TBCE: variants seen among roughly 807,000 people sequenced by gnomAD.
TBCE encodes tubulin folding cofactor E.
In TBCE, 53 loss-of-function variants were observed where a neutral mutation model predicts 77.0. The ratio of observed to expected loss-of-function variants is 0.69; its 90% CI spans 0.55 to 0.87. The LOEUF (loss-of-function observed/expected upper bound fraction) is 0.87. Among genes scored for constraint, TBCE ranks in the 40% least tolerant of loss-of-function variants. The probability of loss-of-function intolerance (pLI) is 0.00; values close to 1 mark genes in which losing one functional copy is unlikely to be tolerated. For synonymous variants in TBCE, 235 were observed against 241.3 expected (o/e 0.97, Z 0.24); for missense variants, 624 against 622.4 (o/e 1.00, Z -0.03).
At position 235,426,708 on chromosome 1, in the gene TBCE, C is replaced by G. The variant is rs557008101; in HGVS notation, c.461-432C>G. On this transcript the variant is annotated intron_variant, in intron 5 of 16. Coordinates refer to ENST00000642610, the MANE Select transcript of TBCE (RefSeq NM_003193.5). ...TCACCCAGGCTGGAGTGCAGTGGCG[C>G]AGTCTCCACTCACTGCAACCTCCGC... Among the ~76,000 whole-genome samples, 4 of 152,318 alleles carry G rather than the reference C, an allele frequency of 2.6e-5. No individual in the cohort carries two copies. The South Asian group carries it at 8.3e-4, about 32-fold the overall frequency.
At chr1:235,388,726 G>GAAAGC (rs1678189321) in intron 2 of TBCE, among the ~76,000 whole-genome samples, 1 of 152,240 alleles carries the variant, frequency 6.6e-6, no homozygotes, top group Non-Finnish European at 1.5e-5. Flanking sequence ...GACTTAGCTA[G>GAAAGC]AGATTTACAC....
At chr1:235,401,125 C>T (rs1679076948) in intron 2 of TBCE, among the ~76,000 whole-genome samples, 1 of 151,850 alleles carries the variant, frequency 6.6e-6, no homozygotes, top group Non-Finnish European at 1.5e-5. Flanking sequence ...AATTTACCAT[C>T]TGAACCAGTT....
intron 8 of TBCE, among the ~76,000 whole-genome samples, chr1:235,434,702 A>G (rs1681316360): frequency 6.6e-6 from 1 of 151,722 alleles, no homozygotes; most frequent in Non-Finnish European, 1.5e-5. Flanking sequence ...ATGCCCGGCT[A>G]ATTTTCTTTA....
At chr1:235,392,441 GC>G (rs1678454023) in intron 2 of TBCE, among the ~76,000 whole-genome samples, 1 of 129,608 alleles carries the variant, frequency 7.7e-6, no homozygotes. Context: ...ACAGAGTCTC[GC>G]TCTTGTTGCC....
chr1:235,443,165 T>TAC lies in TBCE; in HGVS notation c.1399+274_1399+275dup, dbSNP rs759694992. Among the ~76,000 whole-genome samples the TAC allele has an allele frequency of 0.03, 4,403 of 148,450 alleles. 159 individuals carry two copies. Among genetic ancestry groups the TAC allele is most frequent in the African/African-American group, 0.086 (3,466 of 40,274 alleles). On this transcript the variant is annotated intron_variant, in intron 15 of 16. Transcript: ENST00000642610. ...AAAATTGGAAGCCCCTGCATATAAT[T>TAC]ACACACACACACACACACACATATA...
rs529342055 is a variant in TBCE, at chr1:235,450,685, T to C, written c.*1923T>C. On this transcript the variant is annotated 3_prime_UTR_variant, in exon 17 of 17. Coordinates refer to ENST00000642610, the MANE Select transcript of TBCE (RefSeq NM_003193.5). Reference sequence around the variant, plus strand: ...TGGCAGTATTAGTAACAGCTATTATTCTGATGGAATGCTTACAATATTGCA... The same window carrying C: ...TGGCAGTATTAGTAACAGCTATTATCCTGATGGAATGCTTACAATATTGCA... 5 of 229,772 alleles carry C rather than the reference T, an allele frequency of 2.2e-5. No individual in the cohort carries two copies. The South Asian group carries it at 3.5e-4, about 16-fold the overall frequency. 14.2% of individuals were successfully genotyped at this position (229,772 alleles called of 1,614,324 possible).
At position 235,449,381 on chromosome 1, in the gene TBCE, G is replaced by C. The variant is rs1682754568; in HGVS notation, c.*619G>C. 1 of 153,236 alleles carries C rather than the reference G, an allele frequency of 6.5e-6. No individual in the cohort carries two copies. Among genetic ancestry groups the C allele is most frequent in the Non-Finnish European group, 1.5e-5 (1 of 68,786 alleles). The allele number at this position is 153,236 out of a possible 1,614,324, so 9.5% of individuals were successfully genotyped here. ...ATTAGGTAAACATTAGGCAATGATAGGAGGAAAGCAAAACTAATTCTTTCA... is the reference window on the plus strand; with the variant it reads ...ATTAGGTAAACATTAGGCAATGATACGAGGAAAGCAAAACTAATTCTTTCA... On this transcript the variant is annotated 3_prime_UTR_variant, in exon 17 of 17. Transcript: ENST00000642610.
At chr1:235,447,724 A>G (rs546786721) in intron 15 of TBCE, among the ~76,000 whole-genome samples, 2 of 152,302 alleles carry the variant, frequency 1.3e-5, no homozygotes, top group Admixed American at 6.5e-5. Flanking sequence ...CGCTCCCTTT[A>G]TTCTTCTGTG....
intron 1 of TBCE, among the ~76,000 whole-genome samples, chr1:235,370,550 ATT>A (rs34144462): frequency 1.9e-4 from 24 of 129,646 alleles, no homozygotes; most frequent in African/African-American, 2.7e-4. Context: ...TGCACCCGGC[ATT>A]TTTTTTTTTT....
chr1:235,439,357 G>C (rs377399308), intron 13 of TBCE, among the ~76,000 whole-genome samples: 1 of 147,784 alleles, frequency 6.8e-6, no homozygotes, highest in Non-Finnish European at 1.5e-5. Flanking sequence ...TGAGCCGGGC[G>C]TGGTGGCGGG....
chr1:235,448,706 A>C lies in TBCE; in HGVS notation c.1528A>C (p.Lys510Gln). 1 of 1,614,058 alleles carries C rather than the reference A, an allele frequency of 6.2e-7. No individual in the cohort carries two copies. The highest frequency in any genetic ancestry group is 8.5e-7 in the Non-Finnish European group (1 of 1,179,972). Residue 510 changes from lysine to glutamine, a missense_variant, in exon 17 of 17, where the codon AAG (lysine) becomes CAG (glutamine). Physicochemically the swap from Lys to Gln is moderately conservative, Grantham distance 53. Coordinates refer to ENST00000642610, the MANE Select transcript of TBCE (RefSeq NM_003193.5). Reference sequence around the variant, plus strand: ...AGAAATCGAGCTGGAAAATGACCTAAAGTCATTACAGTTTTATTCTGTGGA... The same window carrying C: ...AGAAATCGAGCTGGAAAATGACCTACAGTCATTACAGTTTTATTCTGTGGA... ...GREIELENDL[K>Q]SLQFYSVENG...
chr1:235,385,956 A>G (rs551913709), intron 2 of TBCE, among the ~76,000 whole-genome samples: 2 of 152,182 alleles, frequency 1.3e-5, no homozygotes, highest in African/African-American at 2.4e-5. Flanking sequence ...GGCTGGTACC[A>G]GTTGTTCCTT....
chr1:235,447,529 A>G (rs1236495945), intron 15 of TBCE, among the ~76,000 whole-genome samples: 1 of 152,148 alleles, frequency 6.6e-6, no homozygotes, highest in African/African-American at 2.4e-5. Flanking sequence ...CACATGATGT[A>G]ATTACAGAAT....
chr1:235,422,812 A>G (rs1229719162), intron 5 of TBCE, among the ~76,000 whole-genome samples: 2 of 152,158 alleles, frequency 1.3e-5, no homozygotes, highest in Non-Finnish European at 2.9e-5. Context: ...CTGGGCGACA[A>G]GAGCGAGACT....
chr1:235,394,414 A>ATTTT (rs1572352010), intron 2 of TBCE, among the ~76,000 whole-genome samples: 6 of 68,232 alleles, frequency 8.8e-5, no homozygotes, highest in African/African-American at 1.7e-4. Flanking sequence ...ATTTTTGATA[A>ATTTT]TTTCTTTTTT....
chr1:235,448,624 G>C, intron 16 of TBCE, 46 bp from the exon 17 acceptor site: 1 of 1,529,460 alleles, frequency 6.5e-7, no homozygotes, highest in Non-Finnish European at 9.1e-7. Context: ...ATGCTTTATC[G>C]GATCTGTCTT....
chr1:235,407,155 G>GC (rs1679487009), intron 3 of TBCE, among the ~76,000 whole-genome samples: 1 of 143,504 alleles, frequency 7.0e-6, no homozygotes, highest in Non-Finnish European at 1.5e-5. Flanking sequence ...TTTTTTGGAC[G>GC]CAGGGTCTTG....
intron 2 of TBCE, among the ~76,000 whole-genome samples, chr1:235,394,920 G>C (rs1416856047): frequency 6.6e-6 from 1 of 151,996 alleles, no homozygotes; most frequent in Non-Finnish European, 1.5e-5. Context: ...GCCCAGACTG[G>C]ACTTGAACTC....
chr1:235,381,685 CAAAAAAAAAAAA>C (rs574997840), intron 2 of TBCE, among the ~76,000 whole-genome samples: 5 of 43,192 alleles, frequency 1.2e-4, no homozygotes, highest in South Asian at 2.6e-3. Flanking sequence ...ACTCCTTCTC[CAAAAAAAAAAAA>C]AAAAAAAAAA....
Sources: allele counts gnomAD v4.1 joint callset (sites outside exome capture counted in the v4.1 genomes callset), GRCh38; gene constraint gnomAD v4.1.1; transcripts MANE v1.5; gene names NCBI Gene and HGNC (gene_info 2026-07-23, HGNC 2026-07-21).